The following OR9Q1 variants were observed in gnomAD, a reference collection of about 807,000 sequenced individuals.
The protein encoded by OR9Q1 is olfactory receptor 9Q1.
For missense variants in OR9Q1, 374 were observed against 378.8 expected (o/e 0.99, Z 0.11); for synonymous variants, 153 against 148.6 (o/e 1.03, Z -0.22).
At chr11:58,080,343 T>G (rs1229935754) in intron 2 of OR9Q1, among the ~76,000 whole-genome samples, 2 of 152,146 alleles carry the variant, frequency 1.3e-5, no homozygotes, top group African/African-American at 4.8e-5. Flanking sequence ...TAGGGCTGCA[T>G]AGGATTCCAT....
chr11:58,136,798 C>T (rs1200232596), intron 2 of OR9Q1, among the ~76,000 whole-genome samples: 1 of 152,170 alleles, frequency 6.6e-6, no homozygotes, highest in Non-Finnish European at 1.5e-5. Flanking sequence ...TTAGGAGACC[C>T]TCTCCCAATC....
chr11:58,132,112 C>T (rs576819509), intron 2 of OR9Q1, among the ~76,000 whole-genome samples: 60 of 152,316 alleles, frequency 3.9e-4, no homozygotes, highest in Non-Finnish European at 1.0e-4. Flanking sequence ...CTTAAATCCA[C>T]AAGGTAGAGC....
chr11:58,048,696 T>TATATATATATATATATA (rs35079058), intron 1 of OR9Q1, among the ~76,000 whole-genome samples: 32 of 127,686 alleles, frequency 2.5e-4, no homozygotes, highest in African/African-American at 7.5e-4. Context: ...ATATATATAT[T>TATATATATATATATATA]TTTTAGCAAG....
At chr11:58,119,246 A>G in intron 2 of OR9Q1, 1 of 1,613,966 alleles carries the variant, frequency 6.2e-7, no homozygotes, top group Non-Finnish European at 8.5e-7. Flanking sequence ...TCCAGCAGGG[A>G]GAGGTGGCTC....
At position 58,149,861 on chromosome 11, in the gene OR9Q1, T is replaced by C. The variant is rs74855402; in HGVS notation, c.-14-29570T>C. 2.3e-3 allele frequency among the ~76,000 whole-genome samples: 358 copies of C among 152,350 alleles called. 1 individual carries two copies. The highest frequency in any genetic ancestry group is 8.4e-3 in the African/African-American group (350 of 41,586). Reference sequence around the variant, plus strand: ...GCCATATTTTGTTTATCTGTTAATCTGTTGGTGGACACTTGGGTTGTTTCT... The same window carrying C: ...GCCATATTTTGTTTATCTGTTAATCCGTTGGTGGACACTTGGGTTGTTTCT... On this transcript the variant is annotated intron_variant, in intron 2 of 2. Coordinates refer to ENST00000335397, the MANE Select transcript of OR9Q1 (RefSeq NM_001005212.4).
chr11:58,096,911 C>T (rs542670533), intron 2 of OR9Q1, among the ~76,000 whole-genome samples: 1 of 152,208 alleles, frequency 6.6e-6, no homozygotes, highest in East Asian at 1.9e-4. Flanking sequence ...ACCATGTTAG[C>T]CAGGCTCGTC....
intron 2 of OR9Q1, among the ~76,000 whole-genome samples, chr11:58,066,951 G>T (rs1853435672): frequency 6.6e-6 from 1 of 152,188 alleles, no homozygotes; most frequent in Non-Finnish European, 1.5e-5. Context: ...GGGAGTGTGT[G>T]CTGTCCATCG....
intron 2 of OR9Q1, among the ~76,000 whole-genome samples, chr11:58,166,621 A>G (rs1274926194): frequency 6.6e-6 from 1 of 152,190 alleles, no homozygotes; most frequent in African/African-American, 2.4e-5. Flanking sequence ...CCTCCTGATG[A>G]TAAATGGTTA....
chr11:58,166,338 G>C lies in OR9Q1; in HGVS notation c.-14-13093G>C, dbSNP rs141877631. On this transcript the variant is annotated intron_variant, in intron 2 of 2. Coordinates refer to ENST00000335397, the MANE Select transcript of OR9Q1 (RefSeq NM_001005212.4). ...TGTTTCCCAATCTTCTCGCCCAGAA[G>C]TAACTCCTATTAGTTTCGTATGAAA... Among the ~76,000 whole-genome samples, 1,068 of 152,256 alleles carry C rather than the reference G, an allele frequency of 7.0e-3. 10 individuals are homozygous for C. Among genetic ancestry groups the C allele is most frequent in the African/African-American group, 0.019 (772 of 41,510 alleles).
chr11:58,093,448 T>G (rs1042770171), intron 2 of OR9Q1, among the ~76,000 whole-genome samples: 1 of 151,934 alleles, frequency 6.6e-6, no homozygotes. Flanking sequence ...ATCAGAGAAA[T>G]GCAAATTAAA....
At chr11:58,126,362 T>C (rs909233227) in intron 2 of OR9Q1, among the ~76,000 whole-genome samples, 1 of 152,252 alleles carries the variant, frequency 6.6e-6, no homozygotes, top group African/African-American at 2.4e-5. Flanking sequence ...TGGTTCCTGA[T>C]TCAGTAGAAC....
chr11:58,099,792 C>T (rs1028243043), intron 2 of OR9Q1, among the ~76,000 whole-genome samples: 16 of 152,016 alleles, frequency 1.1e-4, no homozygotes, highest in Admixed American at 7.2e-4. Context: ...TTTCTTGTTT[C>T]TCTTTTCCTT....
At chr11:58,099,017 T>A (rs1853758432) in intron 2 of OR9Q1, among the ~76,000 whole-genome samples, 1 of 152,044 alleles carries the variant, frequency 6.6e-6, no homozygotes, top group Non-Finnish European at 1.5e-5. Context: ...GTATTACTAG[T>A]TTCATACCAT....
intron 2 of OR9Q1, among the ~76,000 whole-genome samples, chr11:58,059,687 CAAAAAAAAAAAAAA>C (rs58893511): frequency 4.0e-4 from 16 of 40,190 alleles, no homozygotes; most frequent in Admixed American, 2.3e-3. Context: ...GGCTCTGTCT[CAAAAAAAAAAAAAA>C]AAAAAAAAAA....
At chr11:58,080,617 A>T (rs546965311) in intron 2 of OR9Q1, among the ~76,000 whole-genome samples, 1 of 152,260 alleles carries the variant, frequency 6.6e-6, no homozygotes, top group Admixed American at 6.5e-5. Flanking sequence ...AACGCATATA[A>T]GCATTCCCTT....
intron 1 of OR9Q1, among the ~76,000 whole-genome samples, chr11:58,034,792 CCCTTCCTTCCTT>C (rs71061567): frequency 2.1e-5 from 2 of 96,060 alleles, no homozygotes; most frequent in South Asian, 6.3e-4. Context: ...CCTCCTTTCT[CCCTTCCTTCCTT>C]CCTTCCTTCC....
chr11:58,076,366 G>A (rs1853538890), intron 2 of OR9Q1, among the ~76,000 whole-genome samples: 1 of 152,150 alleles, frequency 6.6e-6, no homozygotes, highest in Non-Finnish European at 1.5e-5. Context: ...ACTCTTTCAG[G>A]TTGTTGGTTG....
At chr11:58,047,648 C>A (rs1414829708) in intron 1 of OR9Q1, 1 of 150,738 alleles carries the variant, frequency 6.6e-6, no homozygotes, top group African/African-American at 2.4e-5. Flanking sequence ...CAGAGGCAGG[C>A]AGATCACGGG....
chr11:58,150,907 G>A (rs1014231203), intron 2 of OR9Q1, among the ~76,000 whole-genome samples: 20 of 152,156 alleles, frequency 1.3e-4, no homozygotes, highest in Admixed American at 3.3e-4. Flanking sequence ...TGATAGCTCC[G>A]TGTATGTTAT....
Sources: allele counts gnomAD v4.1 joint callset (sites outside exome capture counted in the v4.1 genomes callset), GRCh38; gene constraint gnomAD v4.1.1; transcripts MANE v1.5; gene names NCBI Gene and HGNC (gene_info 2026-07-23, HGNC 2026-07-21).